Variants in NLGN1 observed in about 807,000 individuals in gnomAD.
NLGN1 encodes neuroligin-1.
NLGN1 carries 12 observed loss-of-function variants against 65.5 expected under a neutral mutation model. The observed-to-expected ratio is 0.18, with a 90% confidence interval of 0.12 to 0.30. The LOEUF (loss-of-function observed/expected upper bound fraction) is 0.30, where lower values mean the gene tolerates loss of function less well. NLGN1 is among the 10% of genes least tolerant of loss of function. NLGN1 has a pLI of 1.00. For synonymous variants in NLGN1, 350 were observed against 359.5 expected (o/e 0.97, Z 0.30); for missense variants, 750 against 1,007.1 (o/e 0.74, Z 3.46).
chr3:174,096,267 C>T lies in NLGN1; in HGVS notation c.647-179048C>T, dbSNP rs1404404518. 2.7e-5 allele frequency among the ~76,000 whole-genome samples: 4 copies of T among 150,334 alleles called. 1 individual carries two copies. In the Middle Eastern group the frequency reaches 0.014, roughly 533 times the overall value. ...AAATATAATATATGTAATATATAAA[C>T]GTACTGTTATTGAGAGGAACTAGGA... On this transcript the variant is annotated intron_variant, in intron 4 of 6. Transcript: ENST00000457714.
At chr3:174,096,771 C>T (rs1745609157) in intron 4 of NLGN1, among the ~76,000 whole-genome samples, 1 of 151,946 alleles carries the variant, frequency 6.6e-6, no homozygotes, top group Non-Finnish European at 1.5e-5. Context: ...AGTGAGTACT[C>T]TCAATATTGC....
chr3:173,816,737 A>G (rs572957882), intron 4 of NLGN1, among the ~76,000 whole-genome samples: 8 of 152,314 alleles, frequency 5.3e-5, no homozygotes, highest in African/African-American at 1.9e-4. Flanking sequence ...TTTATACTTC[A>G]TAGACATCAA....
intron 4 of NLGN1, among the ~76,000 whole-genome samples, chr3:173,830,018 G>T (rs1346599154): frequency 8.6e-6 from 1 of 115,982 alleles, no homozygotes; most frequent in African/African-American, 3.4e-5. Flanking sequence ...GGGGGGGGGA[G>T]GGAGAGAATA....
At chr3:174,076,332 G>C (rs1740893560) in intron 4 of NLGN1, among the ~76,000 whole-genome samples, 1 of 151,978 alleles carries the variant, frequency 6.6e-6, no homozygotes, top group African/African-American at 2.4e-5. Flanking sequence ...GTAAGAATTA[G>C]ACTCAGTTTC....
intron 1 of NLGN1, among the ~76,000 whole-genome samples, chr3:173,428,822 C>T (rs888779196): frequency 2.0e-5 from 3 of 151,826 alleles, no homozygotes; most frequent in African/African-American, 7.3e-5. Flanking sequence ...TTCTTATAAG[C>T]TCAGTCTGGT....
Position 173,829,715 on chromosome 3 carries a change from C to A in NLGN1, c.646+21883C>A, listed in dbSNP as rs192388978. Among the ~76,000 whole-genome samples the A allele has an allele frequency of 1.9e-3, 293 of 152,204 alleles. 1 individual carries two copies. The highest frequency in any genetic ancestry group is 6.7e-3 in the African/African-American group (279 of 41,522). ...TTCATTTTATAACTGAAAGTTTGTACCATTTGACCAACATCTGTGCTCTGG... is the reference window on the plus strand; with the variant it reads ...TTCATTTTATAACTGAAAGTTTGTAACATTTGACCAACATCTGTGCTCTGG... On this transcript the variant is annotated intron_variant, in intron 4 of 6. Transcript: ENST00000457714.
chr3:173,829,266 A>G (rs1256302231), intron 4 of NLGN1, among the ~76,000 whole-genome samples: 7 of 152,152 alleles, frequency 4.6e-5, no homozygotes. Flanking sequence ...TAAATTTGAA[A>G]TGCCTATTAA....
intron 2 of NLGN1, among the ~76,000 whole-genome samples, chr3:173,537,852 A>T (rs1375994476): frequency 2.6e-5 from 4 of 152,074 alleles, no homozygotes; most frequent in Admixed American, 1.3e-4. Flanking sequence ...TCTTACCTCC[A>T]TTGTGGAGTT....
chr3:173,949,779 T>G (rs1258613379), intron 4 of NLGN1, among the ~76,000 whole-genome samples: 1 of 152,206 alleles, frequency 6.6e-6, no homozygotes, highest in Admixed American at 6.5e-5. Flanking sequence ...AGTTTACCAG[T>G]GTTGCTGGAG....
chr3:173,545,607 T>C (rs563724912), intron 2 of NLGN1, among the ~76,000 whole-genome samples: 1 of 152,260 alleles, frequency 6.6e-6, no homozygotes, highest in African/African-American at 2.4e-5. Context: ...ATACCCAAAG[T>C]ATTATAAATC....
intron 3 of NLGN1, among the ~76,000 whole-genome samples, chr3:173,799,137 G>A (rs1714838069): frequency 6.6e-6 from 1 of 151,664 alleles, no homozygotes; most frequent in Non-Finnish European, 1.5e-5. Flanking sequence ...TTCTTTGACT[G>A]TTATTTTATG....
chr3:174,062,226 G>T (rs1302613176), intron 4 of NLGN1, among the ~76,000 whole-genome samples: 2 of 152,040 alleles, frequency 1.3e-5, no homozygotes, highest in African/African-American at 2.4e-5. Context: ...AGCTTTTGAA[G>T]CTTGGGAGTG....
rs115377105 is a variant in NLGN1 at position 173,569,364 on chromosome 3, C to T, written c.-320-34915C>T. 5.3e-3 allele frequency among the ~76,000 whole-genome samples: 810 copies of T among 151,956 alleles called. 8 individuals are homozygous for T. Among genetic ancestry groups the T allele is most frequent in the African/African-American group, 0.018 (763 of 41,488 alleles). On this transcript the variant is annotated intron_variant, in intron 2 of 6. Coordinates refer to ENST00000457714, the Ensembl canonical transcript of NLGN1. ...TTCATCTGTCGGTTTATGAATTAAT[C>T]GGCAGTCACATGCATTTTGTTACTC...
At chr3:174,254,804 T>C in intron 4 of NLGN1, among the ~76,000 whole-genome samples, 2 of 152,050 alleles carry the variant, frequency 1.3e-5, no homozygotes, top group Middle Eastern at 6.8e-3. Context: ...AAAACAGGCC[T>C]CACATATTCA....
At chr3:173,970,187 A>G (rs1379803707) in intron 4 of NLGN1, among the ~76,000 whole-genome samples, 1 of 152,150 alleles carries the variant, frequency 6.6e-6, no homozygotes, top group Admixed American at 6.5e-5. Context: ...TGCACTTACG[A>G]TGTGATAACC....
intron 4 of NLGN1, among the ~76,000 whole-genome samples, chr3:174,129,336 C>G (rs867558262): frequency 2.0e-4 from 30 of 147,516 alleles, no homozygotes; most frequent in Middle Eastern, 3.2e-3. Context: ...TATCTATCTC[C>G]CCCCACCCCC....
intron 2 of NLGN1, among the ~76,000 whole-genome samples, chr3:173,532,965 A>T (rs1736839484): frequency 6.6e-6 from 1 of 152,204 alleles, no homozygotes; most frequent in African/African-American, 2.4e-5. Context: ...GGGATCTTGC[A>T]TTAAAAATGA....
chr3:173,913,003 A>G (rs1178189773), intron 4 of NLGN1, among the ~76,000 whole-genome samples: 1 of 152,180 alleles, frequency 6.6e-6, no homozygotes, highest in Non-Finnish European at 1.5e-5. Flanking sequence ...TCACACCACC[A>G]ACAACAGCGA....
chr3:173,556,725 G>A (rs1239472405), intron 2 of NLGN1, among the ~76,000 whole-genome samples: 3 of 152,032 alleles, frequency 2.0e-5, no homozygotes, highest in Non-Finnish European at 4.4e-5. Flanking sequence ...GATTGCTTAA[G>A]CCTAGGATGT....
Sources: allele counts gnomAD v4.1 joint callset (sites outside exome capture counted in the v4.1 genomes callset), GRCh38; gene constraint gnomAD v4.1.1; transcripts MANE v1.5; gene names NCBI Gene and HGNC (gene_info 2026-07-23, HGNC 2026-07-21).